NSUN7: variants seen among roughly 807,000 people sequenced by gnomAD.
The protein encoded by NSUN7 is protein NSUN7.
In NSUN7, 39 loss-of-function variants were observed where a neutral mutation model predicts 58.5. The ratio of observed to expected loss-of-function variants is 0.67; its 90% CI spans 0.52 to 0.87. NSUN7 has a LOEUF of 0.87. NSUN7 is among the 40% of genes least tolerant of loss of function. The pLI, the probability that NSUN7 is intolerant of heterozygous loss-of-function variation, is 0.00. For synonymous variants in NSUN7, 278 were observed against 303.7 expected (o/e 0.92, Z 0.88); for missense variants, 765 against 844.1 (o/e 0.91, Z 1.16).
At chr4:40,780,765 A>C (rs1246895630) in intron 7 of NSUN7, among the ~76,000 whole-genome samples, 1 of 66,578 alleles carries the variant, frequency 1.5e-5, no homozygotes, top group African/African-American at 7.2e-5. Flanking sequence ...ACACACACAC[A>C]CACACACACA....
intron 8 of NSUN7, among the ~76,000 whole-genome samples, chr4:40,792,700 C>G (rs534818327): frequency 1.3e-5 from 2 of 151,994 alleles, no homozygotes; most frequent in Admixed American, 6.5e-5. Flanking sequence ...TGCAGTGAGC[C>G]GAGATCGCGC....
At chr4:40,764,780 T>C (rs1201833483) in intron 4 of NSUN7, among the ~76,000 whole-genome samples, 1 of 152,090 alleles carries the variant, frequency 6.6e-6, no homozygotes, top group East Asian at 1.9e-4. Context: ...TTCTAACTGG[T>C]GTGAGATGGT....
At chr4:40,755,453 A>T (rs935130327) in intron 2 of NSUN7, among the ~76,000 whole-genome samples, 3 of 151,240 alleles carry the variant, frequency 2.0e-5, no homozygotes, top group South Asian at 4.2e-4. Context: ...CAACAAATTT[A>T]AAAAAAAATT....
rs1553919780 is a variant in NSUN7, at chr4:40,799,074, T to TTTTCG, written c.1400+173_1400+174insCGTTT. ...ACCAAGATTCCATAGGGCCTTTTTC[T>TTTTCG]TTTTTTTTTTTTTTTTTTTTTTTTT... On this transcript the variant is annotated intron_variant, in intron 10 of 11. Transcript: ENST00000381782. Among the ~76,000 whole-genome samples, 60 of 59,890 alleles carry TTTTCG rather than the reference T, an allele frequency of 1.0e-3. 6 individuals are homozygous for TTTTCG. Among genetic ancestry groups the TTTTCG allele is most frequent in the African/African-American group, 4.4e-3 (55 of 12,436 alleles). 39.3% of individuals were successfully genotyped at this position (59,890 alleles called of 152,430 possible).
intron 7 of NSUN7, among the ~76,000 whole-genome samples, chr4:40,780,465 C>G (rs1467394653): frequency 2.0e-5 from 3 of 151,570 alleles, no homozygotes; most frequent in Admixed American, 6.6e-5. Context: ...AAAAATTACC[C>G]AGGTGGTAGC....
At position 40,808,681 on chromosome 4, in the gene NSUN7, C is replaced by T; in HGVS notation, c.1899C>T (p.His633=). The part of the protein sequence containing the change: ...CPSRPRERQT[H]FLRPRPEDRM... Reference sequence around the variant, plus strand: ...CCAGACCGCGTGAACGGCAGACACACTTCTTAAGACCTCGGCCAGAAGACA... The same window carrying T: ...CCAGACCGCGTGAACGGCAGACACATTTCTTAAGACCTCGGCCAGAAGACA... The change falls in exon 12 of 12, where the codon CAC becomes CAT. Residue 633 remains histidine (H), a synonymous_variant. Coordinates refer to ENST00000381782, the MANE Select transcript of NSUN7 (RefSeq NM_024677.6). 3 of 1,551,558 alleles carry T rather than the reference C, an allele frequency of 1.9e-6. No individual in the cohort carries two copies. Among genetic ancestry groups the T allele is most frequent in the Non-Finnish European group, 2.6e-6 (3 of 1,146,858 alleles).
Position 40,750,653 on chromosome 4 carries a change from T to C in NSUN7, c.-41T>C. ...GCCGTTTCCTGGAACATCGGAATTC[T>C]AACCCCAGGGTGAAGGACTCACGAC... On this transcript the variant is annotated 5_prime_UTR_variant, in exon 2 of 12. It removes the in-frame stop codon of an upstream open reading frame in the 5' UTR. Transcript: ENST00000381782. The C allele has an allele frequency of 6.3e-7, 1 of 1,595,408 alleles. No individual in the cohort carries two copies.
At chr4:40,766,596 T>C (rs1171386324) in intron 4 of NSUN7, among the ~76,000 whole-genome samples, 3 of 152,218 alleles carry the variant, frequency 2.0e-5, no homozygotes, top group African/African-American at 7.2e-5. Context: ...GCTGGCCTCA[T>C]AAAATGAGTT....
At chr4:40,790,775 A>G in intron 8 of NSUN7, 30 bp downstream of exon 8, 2 of 1,455,334 alleles carry the variant, frequency 1.4e-6, no homozygotes, top group African/African-American at 2.9e-5. Flanking sequence ...AATTATTGAA[A>G]TTAGTTGACA....
chr4:40,799,833 T>C (rs943982680), intron 10 of NSUN7, among the ~76,000 whole-genome samples: 4 of 152,252 alleles, frequency 2.6e-5, no homozygotes, highest in African/African-American at 9.6e-5. Context: ...GTTGCTTGTA[T>C]TTCTTTTTAA....
intron 4 of NSUN7, among the ~76,000 whole-genome samples, chr4:40,770,278 T>C (rs892355132): frequency 6.6e-6 from 1 of 150,878 alleles, no homozygotes; most frequent in African/African-American, 2.4e-5. Flanking sequence ...TTCTGAGAAA[T>C]GTGTCGTTAG....
At chr4:40,759,076 G>A (rs1577543147) in intron 2 of NSUN7, among the ~76,000 whole-genome samples, 1 of 152,080 alleles carries the variant, frequency 6.6e-6, no homozygotes. Context: ...TTGGGAGGCC[G>A]AGGTGGGCAG....
At chr4:40,798,018 C>G (rs994172946) in intron 9 of NSUN7, among the ~76,000 whole-genome samples, 1 of 152,216 alleles carries the variant, frequency 6.6e-6, no homozygotes, top group African/African-American at 2.4e-5. Flanking sequence ...TTCCTTATCT[C>G]CATCTAGTCT....
At chr4:40,784,935 C>T (rs527918987) in intron 7 of NSUN7, among the ~76,000 whole-genome samples, 7 of 152,234 alleles carry the variant, frequency 4.6e-5, no homozygotes, top group East Asian at 3.9e-4. Flanking sequence ...TGTAGAACAC[C>T]GTACCTAGTG....
At chr4:40,783,256 C>T (rs1471762894) in intron 7 of NSUN7, among the ~76,000 whole-genome samples, 1 of 152,128 alleles carries the variant, frequency 6.6e-6, no homozygotes, top group East Asian at 1.9e-4. Flanking sequence ...CAAGACCATG[C>T]AGTGGGAAAT....
intron 4 of NSUN7, among the ~76,000 whole-genome samples, chr4:40,763,381 A>C (rs574558357): frequency 8.2e-6 from 1 of 122,602 alleles, no homozygotes; most frequent in East Asian, 2.1e-4. Context: ...CCTGACTCCC[A>C]GGATGGGCAT....
chr4:40,804,194 C>T (rs1208467030), intron 10 of NSUN7, among the ~76,000 whole-genome samples: 1 of 152,080 alleles, frequency 6.6e-6, no homozygotes, highest in Non-Finnish European at 1.5e-5. Flanking sequence ...AATCCCAGCA[C>T]TTTGGGAGGC....
intron 7 of NSUN7, among the ~76,000 whole-genome samples, chr4:40,789,936 G>A (rs1048304625): frequency 6.6e-6 from 1 of 152,052 alleles, no homozygotes; most frequent in African/African-American, 2.4e-5. Flanking sequence ...TATAATGCAA[G>A]GGAAGGCAGA....
At chr4:40,796,719 A>T (rs767580865) in intron 9 of NSUN7, among the ~76,000 whole-genome samples, 7 of 151,708 alleles carry the variant, frequency 4.6e-5, no homozygotes, top group Non-Finnish European at 5.9e-5. Flanking sequence ...AGAGGCCCCG[A>T]CTCCAGGTCA....
Sources: allele counts gnomAD v4.1 joint callset (sites outside exome capture counted in the v4.1 genomes callset), GRCh38; gene constraint gnomAD v4.1.1; transcripts MANE v1.5; gene names NCBI Gene and HGNC (gene_info 2026-07-23, HGNC 2026-07-21).